Variants in SMC1B observed in about 807,000 individuals in gnomAD.
SMC1B encodes structural maintenance of chromosomes protein 1B.
In SMC1B, 60 loss-of-function variants were observed where a neutral mutation model predicts 157.9. The ratio of observed to expected loss-of-function variants is 0.38; its 90% confidence interval spans 0.31 to 0.47. SMC1B has a LOEUF of 0.47. SMC1B is among the 20% of genes least tolerant of loss of function. SMC1B has a pLI of 0.99. For synonymous variants in SMC1B, 445 were observed against 483.0 expected (o/e 0.92, Z 1.03); for missense variants, 1,165 against 1,426.2 (o/e 0.82, Z 2.95).
chr22:45,413,578 TC>T lies in SMC1B; in HGVS notation c.-12del. 6.3e-7 allele frequency: 1 copy of T among 1,592,216 alleles called. No homozygotes were observed. The highest frequency in any genetic ancestry group is 8.6e-7 in the Non-Finnish European group (1 of 1,169,030). On this transcript the variant is annotated 5_prime_UTR_variant, in exon 1 of 25. Transcript: ENST00000357450. Reference sequence around the variant, plus strand: ...CTCCAGGTGGGCCATGGCGCCGCCCTCCACGCCTCACCCGCGTTATCAAGCG... The same window carrying T: ...CTCCAGGTGGGCCATGGCGCCGCCCTCACGCCTCACCCGCGTTATCAAGCG...
At chr22:45,344,801 G>GT (rs2086534640) in intron 24 of SMC1B, 144 bp from the exon 25 acceptor site, 2 of 524,800 alleles carry the variant, frequency 3.8e-6, no homozygotes, top group South Asian at 2.7e-5. Context: ...TTGGTTGTGG[G>GT]TTTTTTTGGT....
At chr22:45,392,854 C>A (rs188801880) in intron 9 of SMC1B, among the ~76,000 whole-genome samples, 1 of 152,240 alleles carries the variant, frequency 6.6e-6, no homozygotes, top group East Asian at 1.9e-4. Flanking sequence ...GCGCCTGCCA[C>A]AATGTGCGGC....
intron 7 of SMC1B, among the ~76,000 whole-genome samples, chr22:45,395,183 C>T (rs1294413294): frequency 1.3e-5 from 2 of 152,120 alleles, no homozygotes; most frequent in African/African-American, 4.8e-5. Context: ...CCTCAAAGAA[C>T]TAATGTCTGG....
chr22:45,391,243 G>GTTA (rs1269405773), intron 9 of SMC1B, among the ~76,000 whole-genome samples: 148 of 152,050 alleles, frequency 9.7e-4, no homozygotes, highest in Non-Finnish European at 2.1e-4. Context: ...TTGTTAATTT[G>GTTA]TCTATGTTAT....
chr22:45,410,256 T>C (rs2087316785), intron 1 of SMC1B, among the ~76,000 whole-genome samples: 1 of 152,244 alleles, frequency 6.6e-6, no homozygotes, highest in African/African-American at 2.4e-5. Flanking sequence ...TAAGGGTAGT[T>C]GTGGGCATTC....
intron 2 of SMC1B, among the ~76,000 whole-genome samples, chr22:45,407,351 C>T (rs887378712): frequency 6.6e-6 from 1 of 152,168 alleles, no homozygotes; most frequent in Non-Finnish European, 1.5e-5. Context: ...TTTAACCTGA[C>T]AATATAAATT....
intron 12 of SMC1B, among the ~76,000 whole-genome samples, chr22:45,381,644 C>T (rs2086938002): frequency 6.6e-6 from 1 of 152,194 alleles, no homozygotes; most frequent in African/African-American, 2.4e-5. Flanking sequence ...ATCATTCCCT[C>T]CTAGCTGCCA....
At chr22:45,356,727 CTTTTTTTTTTTTTTT>C (rs1174032906) in intron 19 of SMC1B, among the ~76,000 whole-genome samples, 1 of 126,430 alleles carries the variant, frequency 7.9e-6, no homozygotes, top group African/African-American at 3.0e-5. Context: ...TTTTTCTTTT[CTTTTTTTTTTTTTTT>C]TTTTTGAGAC....
At chr22:45,351,816 A>T (rs146053098) in intron 22 of SMC1B, among the ~76,000 whole-genome samples, 1,558 of 152,306 alleles carry the variant, frequency 0.01, 24 homozygotes, top group African/African-American at 0.036. Context: ...GAAAGAGGTT[A>T]ATTGCCTTAA....
rs765972308 is a variant in SMC1B, at chr22:45,402,313, A to T, written c.854+20T>A. ...AGCTACATATAACCCAACTGTTAATATCTACTTTTAAAAACTCACTTTAAT... is the reference window on the plus strand; with the variant it reads ...AGCTACATATAACCCAACTGTTAATTTCTACTTTTAAAAACTCACTTTAAT... On this transcript the variant is annotated intron_variant, in intron 5 of 24. Transcript: ENST00000357450. 6.5e-7 allele frequency: 1 copy of T among 1,528,950 alleles called. No individual in the cohort carries two copies. Among genetic ancestry groups the T allele is most frequent in the Non-Finnish European group, 9.0e-7 (1 of 1,107,194 alleles). 94.7% of individuals were successfully genotyped at this position (1,528,950 alleles called of 1,614,324 possible).
chr22:45,361,189 A>G (rs527698479), intron 17 of SMC1B, among the ~76,000 whole-genome samples: 3 of 152,334 alleles, frequency 2.0e-5, no homozygotes, highest in East Asian at 1.9e-4. Context: ...TCCAAATTCT[A>G]TCTCCTTACC....
At chr22:45,344,744 C>T (rs566924753) in intron 24 of SMC1B, 87 bp from the exon 25 acceptor site, 4 of 824,710 alleles carry the variant, frequency 4.9e-6, no homozygotes, top group East Asian at 2.6e-5. Context: ...TCTAGAATTG[C>T]ATTCAAAAGG....
At position 45,388,758 on chromosome 22, in the gene SMC1B, C is replaced by A. The variant is rs982428427; in HGVS notation, c.1731+954G>T. ...TTGGGAGACCGAGGCAGGCGGATCA[C>A]CTGAGTCGGGAATTTGAGACCAGCC... On this transcript the variant is annotated intron_variant, in intron 10 of 24. Transcript: ENST00000357450. 1.9e-4 allele frequency among the ~76,000 whole-genome samples: 29 copies of A among 151,912 alleles called. 1 individual carries two copies. The highest frequency in any genetic ancestry group is 6.8e-4 in the African/African-American group (28 of 41,346).
intron 12 of SMC1B, among the ~76,000 whole-genome samples, chr22:45,377,533 CAGGCTG>C (rs962109567): frequency 1.3e-5 from 2 of 151,190 alleles, no homozygotes; most frequent in Non-Finnish European, 2.9e-5. Flanking sequence ...AGCTACTCGG[CAGGCTG>C]AGGCAGGAGA....
At chr22:45,407,895 A>T (rs1314532438) in intron 2 of SMC1B, among the ~76,000 whole-genome samples, 4 of 152,288 alleles carry the variant, frequency 2.6e-5, no homozygotes, top group East Asian at 1.9e-4. Flanking sequence ...CTTTAAAAAA[A>T]ATTTCTTCCT....
At chr22:45,383,446 A>G in intron 12 of SMC1B, 21 bp downstream of exon 12, 3 of 1,563,268 alleles carry the variant, frequency 1.9e-6, no homozygotes, top group Non-Finnish European at 2.6e-6. Context: ...GTATATTACA[A>G]CTTTTATGAC....
chr22:45,412,618 C>A (rs528877734), intron 1 of SMC1B, among the ~76,000 whole-genome samples: 1 of 151,050 alleles, frequency 6.6e-6, no homozygotes, highest in African/African-American at 2.4e-5. Context: ...GCGATTCTCC[C>A]GCCTCAGCCT....
chr22:45,358,983 A>G (rs2146773246), intron 18 of SMC1B, among the ~76,000 whole-genome samples, 188 bp from the exon 19 acceptor site: 1 of 152,342 alleles, frequency 6.6e-6, no homozygotes, highest in South Asian at 2.1e-4. Flanking sequence ...ACACAGAGAC[A>G]CAGAAAAGTG....
rs534966183 is a variant in SMC1B at position 45,368,202 on chromosome 22, A to C, written c.2420+1752T>G. 2.0e-5 allele frequency among the ~76,000 whole-genome samples: 3 copies of C among 152,270 alleles called. No individual in the cohort carries two copies. In the East Asian group the frequency reaches 5.8e-4, roughly 29 times the overall value. On this transcript the variant is annotated intron_variant, in intron 15 of 24. Coordinates refer to ENST00000357450, the MANE Select transcript of SMC1B (RefSeq NM_148674.5). ...TCTTAAGAATATTCAACCAAGAATA[A>C]ATGCTGAATTTTGTCAAGTGTTTTT...
Sources: gnomAD v4.1 joint callset for allele counts (sites outside exome capture counted in the v4.1 genomes callset) on GRCh38, gnomAD v4.1.1 for gene constraint, MANE v1.5 for transcripts, NCBI Gene and HGNC (gene_info 2026-07-23, HGNC 2026-07-21) for gene names.